The following PCDH11X variants were observed in gnomAD, a reference collection of about 807,000 sequenced individuals.
The protein encoded by PCDH11X is protocadherin 11 X-linked, also known as protocadherin-11 X-linked.
PCDH11X carries 18 observed loss-of-function variants against 53.3 expected under a neutral mutation model. The ratio of observed to expected loss-of-function variants is 0.34; its 90% CI spans 0.23 to 0.50. PCDH11X has a LOEUF of 0.50. PCDH11X is among the 20% of genes least tolerant of loss of function. The pLI is 0.98. For synonymous variants in PCDH11X, 279 were observed against 393.3 expected, an observed-to-expected ratio of 0.71 and a Z score of 3.44; for missense variants, 570 against 1,032.4, an observed-to-expected ratio of 0.55 and a Z score of 6.14.
chrX:92,383,599 G>T (rs1457618304), intron 8 of PCDH11X, among the ~76,000 whole-genome samples: 4 of 110,942 alleles, frequency 3.6e-5, no homozygotes, highest in African/African-American at 1.3e-4. Context: ...TCCTGTGTTA[G>T]TTTGCTGAGA....
In PCDH11X at chrX:92,385,515, C is replaced by A. The variant is rs112767462; in HGVS notation, c.3145-2220C>A. 1.8e-3 allele frequency among the ~76,000 whole-genome samples: 189 copies of A among 105,102 alleles called. 1 individual carries two copies. Among genetic ancestry groups the A allele is most frequent in the African/African-American group, 6.3e-3 (181 of 28,899 alleles). 91.3% of individuals were successfully genotyped at this position (105,102 alleles called of 115,157 possible). A position where few individuals can be genotyped will look rare whatever the true frequency, so the allele number is the denominator to read the frequency against. On this transcript the variant is annotated intron_variant, in intron 8 of 10. Transcript: ENST00000682573. ...TCAATGTCACTCTTCACAGCTTCCA[C>A]ACAACCTAACACTCATCCCCCAAAA...
intron 10 of PCDH11X, among the ~76,000 whole-genome samples, chrX:92,585,618 C>T (rs1447754289): frequency 9.1e-6 from 1 of 109,975 alleles, no homozygotes; most frequent in East Asian, 2.9e-4. Context: ...GATCCACCCG[C>T]CTCGGCCTCC....
At chrX:92,215,836 G>A (rs1386240247) in intron 7 of PCDH11X, among the ~76,000 whole-genome samples, 12 of 107,564 alleles carry the variant, frequency 1.1e-4, no homozygotes, top group Non-Finnish European at 1.9e-4. Flanking sequence ...TCACACGGCC[G>A]GGTACTCCTC....
intron 1 of PCDH11X, among the ~76,000 whole-genome samples, chrX:91,805,698 C>A (rs1434514520): frequency 9.3e-6 from 1 of 107,297 alleles, no homozygotes; most frequent in Non-Finnish European, 1.9e-5. Context: ...GTGACACGTG[C>A]ACCTATAATT....
intron 5 of PCDH11X, among the ~76,000 whole-genome samples, chrX:91,860,474 T>C (rs1473834646): frequency 9.1e-6 from 1 of 109,991 alleles, no homozygotes; most frequent in African/African-American, 3.3e-5. Context: ...TGCCTGATTG[T>C]CCTGGCCAGA....
intron 7 of PCDH11X, among the ~76,000 whole-genome samples, chrX:92,210,135 A>T (rs1018985014): frequency 9.2e-6 from 1 of 108,811 alleles, no homozygotes; most frequent in Non-Finnish European, 1.9e-5. Flanking sequence ...AATGCCTTCG[A>T]GGCATTTTCT....
chrX:92,510,189 A>G (rs1282882609), intron 10 of PCDH11X, among the ~76,000 whole-genome samples: 4 of 106,522 alleles, frequency 3.8e-5, no homozygotes, highest in Non-Finnish European at 7.8e-5. Flanking sequence ...TGAGGACAAC[A>G]TTGAAGTGTA....
At chrX:91,818,878 A>G (rs1219825422) in intron 4 of PCDH11X, among the ~76,000 whole-genome samples, 2 of 111,281 alleles carry the variant, frequency 1.8e-5, no homozygotes, top group African/African-American at 3.3e-5. Flanking sequence ...ATAAATGCAC[A>G]CAAGGGCATA....
chrX:92,037,915 TTC>T (rs1197119058), intron 6 of PCDH11X, among the ~76,000 whole-genome samples: 39 of 106,346 alleles, frequency 3.7e-4, no homozygotes, highest in African/African-American at 1.4e-3. Flanking sequence ...TTTTTTTTTT[TTC>T]GTAACTGTGT....
At chrX:92,507,582 A>T (rs12557471) in intron 10 of PCDH11X, among the ~76,000 whole-genome samples, 5,139 of 111,034 alleles carry the variant, frequency 0.046, 89 homozygotes, top group South Asian at 0.11. Flanking sequence ...AAATCAAAAT[A>T]TGCAGGACAA....
intron 6 of PCDH11X, among the ~76,000 whole-genome samples, chrX:91,922,605 T>A (rs1941784225): frequency 8.9e-6 from 1 of 112,246 alleles, no homozygotes; most frequent in African/African-American, 3.2e-5. Context: ...AGTGATGGTA[T>A]TAGATTCTCA....
intron 8 of PCDH11X, among the ~76,000 whole-genome samples, chrX:92,329,001 A>G (rs1161304015): frequency 2.7e-5 from 3 of 111,000 alleles, no homozygotes; most frequent in Non-Finnish European, 5.7e-5. Context: ...CTTGCACACC[A>G]ATATCCTTTA....
intron 10 of PCDH11X, among the ~76,000 whole-genome samples, chrX:92,474,931 C>T (rs941895837): frequency 5.6e-5 from 6 of 107,558 alleles, no homozygotes; most frequent in African/African-American, 1.0e-4. Flanking sequence ...TTTGGGAGGC[C>T]GAGGCGGGTG....
At chrX:92,155,754 G>A (rs1394216193) in intron 6 of PCDH11X, among the ~76,000 whole-genome samples, 3 of 108,798 alleles carry the variant, frequency 2.8e-5, no homozygotes, top group Admixed American at 1.0e-4. Context: ...AGCCTCCGGA[G>A]TAGCTGGGAC....
intron 6 of PCDH11X, among the ~76,000 whole-genome samples, chrX:92,155,617 C>CTTT (rs775178966): frequency 2.5e-4 from 20 of 79,771 alleles, no homozygotes; most frequent in African/African-American, 7.3e-4. Context: ...ACTTCAATAG[C>CTTT]TTTTTTTTTT....
chrX:92,043,165 G>A (rs2063236304), intron 6 of PCDH11X, among the ~76,000 whole-genome samples: 2 of 107,159 alleles, frequency 1.9e-5, no homozygotes, highest in Admixed American at 1.0e-4. Context: ...TGCCTCTTTT[G>A]GCATATTGGC....
intron 10 of PCDH11X, among the ~76,000 whole-genome samples, chrX:92,484,177 GTATGTATATA>G (rs2073580608): frequency 2.5e-5 from 1 of 40,147 alleles, no homozygotes; most frequent in Non-Finnish European, 4.6e-5. Context: ...GTATATATAT[GTATGTATATA>G]TATGTATATA....
intron 6 of PCDH11X, among the ~76,000 whole-genome samples, chrX:91,929,643 A>C (rs1942058970): frequency 9.0e-6 from 1 of 111,311 alleles, no homozygotes; most frequent in Admixed American, 9.6e-5. Flanking sequence ...CATGCTATTA[A>C]AAGCAGTAAT....
At chrX:92,494,594 G>A (rs1603346835) in intron 10 of PCDH11X, among the ~76,000 whole-genome samples, 1 of 110,656 alleles carries the variant, frequency 9.0e-6, no homozygotes, top group South Asian at 3.8e-4. Flanking sequence ...TTTTTAGGCC[G>A]GCACCACTGT....
Sources: gnomAD v4.1 joint callset for allele counts (sites outside exome capture counted in the v4.1 genomes callset) on GRCh38, gnomAD v4.1.1 for gene constraint, MANE v1.5 for transcripts, NCBI Gene and HGNC (gene_info 2026-07-23, HGNC 2026-07-21) for gene names.